KANSL1: variants seen among roughly 807,000 people sequenced by gnomAD.
KANSL1 encodes the protein MLL1/MLL complex subunit KANSL1.
In KANSL1, 22 loss-of-function variants were observed where a neutral mutation model predicts 103.6. That is an observed-to-expected ratio of 0.21 (90% CI 0.15 to 0.30). The LOEUF is 0.30. Ranked by LOEUF, KANSL1 falls within the 10% of genes least tolerant of loss-of-function variation. The pLI is 1.00. For missense variants in KANSL1, 1,337 were observed against 1,399.8 expected, an observed-to-expected ratio of 0.96 and a Z score of 0.72; for synonymous variants, 600 against 527.6, an observed-to-expected ratio of 1.14 and a Z score of -1.88.
intron 2 of KANSL1, among the ~76,000 whole-genome samples, chr17:46,142,178 TCTA>T (rs2044456288): frequency 6.6e-6 from 1 of 152,226 alleles, no homozygotes; most frequent in South Asian, 2.1e-4. Context: ...ATGAAGAATT[TCTA>T]CTATTTTAGG....
intron 3 of KANSL1, among the ~76,000 whole-genome samples, chr17:46,092,665 T>C (rs2079443115): frequency 7.1e-6 from 1 of 141,252 alleles, no homozygotes; most frequent in South Asian, 2.2e-4. Flanking sequence ...AAATGTACCA[T>C]AATGTTGGTA....
intron 6 of KANSL1, 97 bp downstream of exon 6, chr17:46,066,440 T>C (rs2078377998): frequency 3.7e-6 from 4 of 1,086,398 alleles, no homozygotes; most frequent in Non-Finnish European, 5.1e-6. Context: ...CCTTGGTGGT[T>C]AGCCAAGTTT....
At position 46,038,749 on chromosome 17, in the gene KANSL1, C is replaced by T; in HGVS notation, c.2393-63G>A. 10 of 1,597,330 alleles carry T rather than the reference C, an allele frequency of 6.3e-6. No homozygotes were observed. In the South Asian group the frequency reaches 1.1e-4, roughly 18 times the overall value. On this transcript the variant is annotated intron_variant, in intron 9 of 14. Transcript: ENST00000432791. ...ATCTTAACCAGCGTTACTTCTAACACAAGCTTGGAATGGCAGCAATACATA... is the reference window on the plus strand; with the variant it reads ...ATCTTAACCAGCGTTACTTCTAACATAAGCTTGGAATGGCAGCAATACATA...
chr17:46,168,330 G>T (rs914434653), intron 2 of KANSL1, among the ~76,000 whole-genome samples: 1 of 152,072 alleles, frequency 6.6e-6, no homozygotes, highest in Non-Finnish European at 1.5e-5. Flanking sequence ...ATGCTTTACT[G>T]GTGGTTTTAG....
At chr17:46,130,034 A>T (rs1022173150) in intron 2 of KANSL1, among the ~76,000 whole-genome samples, 1 of 149,686 alleles carries the variant, frequency 6.7e-6, no homozygotes, top group African/African-American at 2.4e-5. Context: ...AAAAATACAA[A>T]AATTAGCCAG....
At position 46,062,134 on chromosome 17, in the gene KANSL1, A is replaced by AAAAAAAAAAAAAAAAAAAAAAAAAAAC. The variant is rs67483415; in HGVS notation, c.1848+4402_1848+4403insGTTTTTTTTTTTTTTTTTTTTTTTTTT. On this transcript the variant is annotated intron_variant, in intron 6 of 14. Coordinates refer to ENST00000432791, the MANE Select transcript of KANSL1 (RefSeq NM_015443.4). ...ACAAACAAACAAAAAAAAAAAAAAA[A>AAAAAAAAAAAAAAAAAAAAAAAAAAAC]CATGTTACAGCAGATTTACCTCCCC... Among the ~76,000 whole-genome samples the AAAAAAAAAAAAAAAAAAAAAAAAAAAC allele has an allele frequency of 1.1e-4, 14 of 132,846 alleles. 1 individual carries two copies. Among genetic ancestry groups the AAAAAAAAAAAAAAAAAAAAAAAAAAAC allele is most frequent in the South Asian group, 2.9e-4 (1 of 3,452 alleles). The allele number at this position is 132,846 out of a possible 152,430, so 87.2% of individuals were successfully genotyped here. A position where few individuals can be genotyped will look rare whatever the true frequency, so the allele number is the denominator to read the frequency against.
intron 2 of KANSL1, among the ~76,000 whole-genome samples, chr17:46,105,081 G>A (rs2042475529): frequency 6.6e-6 from 1 of 152,116 alleles, no homozygotes; most frequent in African/African-American, 2.4e-5. Flanking sequence ...CCAAAGTGCT[G>A]GAATTACAGG....
intron 1 of KANSL1, among the ~76,000 whole-genome samples, chr17:46,215,468 G>A (rs2048310877): frequency 6.6e-6 from 1 of 152,200 alleles, no homozygotes; most frequent in Admixed American, 6.5e-5. Flanking sequence ...GCAGCGACTT[G>A]GAAGAGAGAA....
chr17:46,085,179 G>A (rs997775265), intron 3 of KANSL1, among the ~76,000 whole-genome samples: 1 of 152,076 alleles, frequency 6.6e-6, no homozygotes, highest in African/African-American at 2.4e-5. Context: ...TGCTGCTGGA[G>A]GTAAGGGTTA....
chr17:46,054,242 C>T (rs889540071), intron 6 of KANSL1, among the ~76,000 whole-genome samples: 1 of 152,128 alleles, frequency 6.6e-6, no homozygotes, highest in Non-Finnish European at 1.5e-5. Context: ...TTAGTAGAGA[C>T]GGGGTTTCAC....
At chr17:46,098,004 T>C (rs1455880457) in intron 2 of KANSL1, among the ~76,000 whole-genome samples, 2 of 149,616 alleles carry the variant, frequency 1.3e-5, no homozygotes, top group Admixed American at 1.3e-4. Context: ...GAAAACATTT[T>C]ACAGTTCCCT....
upstream of KANSL1, among the ~76,000 whole-genome samples, chr17:46,194,529 A>C (rs2047538718): frequency 6.6e-6 from 1 of 152,254 alleles, no homozygotes; most frequent in Non-Finnish European, 1.5e-5. Context: ...ACATAATGTA[A>C]TACAAAGTGT....
At chr17:46,056,186 C>T (rs966934693) in intron 6 of KANSL1, among the ~76,000 whole-genome samples, 12 of 152,056 alleles carry the variant, frequency 7.9e-5, no homozygotes, top group Admixed American at 2.0e-4. Flanking sequence ...TTAGTAGAGA[C>T]GGGGGTTTCG....
chr17:46,115,076 T>C (rs1039505933), intron 2 of KANSL1, among the ~76,000 whole-genome samples: 7 of 152,168 alleles, frequency 4.6e-5, no homozygotes, highest in Non-Finnish European at 2.9e-5. Context: ...TTTATTTATT[T>C]TGAGATGGAG....
intron 2 of KANSL1, among the ~76,000 whole-genome samples, chr17:46,102,312 C>T (rs1241575613): frequency 4.6e-5 from 7 of 152,196 alleles, no homozygotes; most frequent in Non-Finnish European, 5.9e-5. Flanking sequence ...TGCAGAGGCA[C>T]GATCTCAGCT....
At chr17:46,149,935 T>A (rs535820719) in intron 2 of KANSL1, among the ~76,000 whole-genome samples, 3 of 151,728 alleles carry the variant, frequency 2.0e-5, no homozygotes, top group African/African-American at 7.3e-5. Flanking sequence ...GGCAGGAGAA[T>A]GGTGTGAACC....
chr17:46,109,833 G>T (rs1156695164), intron 2 of KANSL1, among the ~76,000 whole-genome samples: 1 of 152,166 alleles, frequency 6.6e-6, no homozygotes, highest in African/African-American at 2.4e-5. Context: ...TACATCTAAT[G>T]ACAAATATTT....
rs1475652384 is a variant in KANSL1, at chr17:46,058,731, ACACACACACACACTCTCT to A, written c.1848+7788_1848+7805del. The stretch of plus-strand genomic sequence containing the variant: ...TTAAAACACACACACACACACACAC[ACACACACACACACTCTCT>A]CTCTCTCTCTCTCTCTCTCTCTCTC... On this transcript the variant is annotated intron_variant, in intron 6 of 14. Coordinates refer to ENST00000432791, the MANE Select transcript of KANSL1 (RefSeq NM_015443.4). 5.2e-4 allele frequency among the ~76,000 whole-genome samples: 45 copies of A among 87,084 alleles called. No individual in the cohort carries two copies. In the East Asian group the frequency reaches 5.7e-3, roughly 11 times the overall value. The allele number at this position is 87,084 out of a possible 152,430, so 57.1% of individuals were successfully genotyped here.
intron 1 of KANSL1, among the ~76,000 whole-genome samples, chr17:46,210,477 A>AC: frequency 6.7e-6 from 1 of 149,272 alleles, no homozygotes; most frequent in Non-Finnish European, 1.5e-5. Flanking sequence ...TGTCTCAAAA[A>AC]AAAAAAAAAA....
Sources: gnomAD v4.1 joint callset for allele counts (sites outside exome capture counted in the v4.1 genomes callset) on GRCh38, gnomAD v4.1.1 for gene constraint, MANE v1.5 for transcripts, NCBI Gene and HGNC (gene_info 2026-07-23, HGNC 2026-07-21) for gene names.